The following MICAL3 variants were observed in gnomAD, a reference collection of about 807,000 sequenced individuals.
The protein encoded by MICAL3 is [F-actin]-monooxygenase MICAL3.
A neutral mutation model predicts 207.4 loss-of-function variants in MICAL3; 62 were observed. The observed-to-expected ratio is 0.30, with a 90% CI of 0.24 to 0.37. MICAL3 has a LOEUF of 0.37. MICAL3 is among the 10% of genes least tolerant of loss of function. The probability of loss-of-function intolerance (pLI) is 1.00; values close to 1 mark genes in which losing one functional copy is unlikely to be tolerated. For missense variants in MICAL3, 2,368 were observed against 2,635.6 expected (o/e 0.90, Z 2.22); for synonymous variants, 1,077 against 1,069.3 (o/e 1.01, Z -0.14).
At chr22:17,822,925 G>T in intron 23 of MICAL3, 22 bp downstream of exon 23, 1 of 1,497,488 alleles carries the variant, frequency 6.7e-7, no homozygotes, top group Non-Finnish European at 9.3e-7. Context: ...CCACCACAGG[G>T]GCGGGGAGGG....
chr22:17,830,176 A>AC (rs927003968), intron 21 of MICAL3, among the ~76,000 whole-genome samples: 2 of 152,020 alleles, frequency 1.3e-5, no homozygotes, highest in Non-Finnish European at 2.9e-5. Context: ...GGAGCCAGAG[A>AC]CCCACACAGC....
rs571542503 is a variant in MICAL3 at position 17,879,002 on chromosome 22, C to T, written c.2241+6876G>A. Reference sequence around the variant, plus strand: ...AGAAGTTGTATCTGACAGTCCAATGCTACTACTCTACCACTGGCACATAGT... The same window carrying T: ...AGAAGTTGTATCTGACAGTCCAATGTTACTACTCTACCACTGGCACATAGT... On this transcript the variant is annotated intron_variant, in intron 16 of 31. Transcript: ENST00000441493. Among the ~76,000 whole-genome samples the T allele has an allele frequency of 5.9e-5, 9 of 152,292 alleles. No homozygotes were observed. In the South Asian group the frequency reaches 1.7e-3, roughly 28 times the overall value.
intron 1 of MICAL3, among the ~76,000 whole-genome samples, chr22:17,939,111 T>A (rs1933691523): frequency 6.6e-6 from 1 of 152,062 alleles, no homozygotes; most frequent in African/African-American, 2.4e-5. Flanking sequence ...ACTGGTGTCT[T>A]CAGAAGAGGA....
chr22:17,820,001 C>T (rs1353843453), intron 25 of MICAL3, among the ~76,000 whole-genome samples: 2 of 145,656 alleles, frequency 1.4e-5, no homozygotes, highest in Non-Finnish European at 3.0e-5. Context: ...GGTACAGTGG[C>T]TCATGCTGTA....
chr22:17,820,363 CT>C (rs952399625), intron 25 of MICAL3, among the ~76,000 whole-genome samples: 2 of 151,544 alleles, frequency 1.3e-5, no homozygotes, highest in Non-Finnish European at 2.9e-5. Flanking sequence ...CTGTAAATTT[CT>C]TTTTTTTTGA....
At chr22:17,862,508 C>A in intron 19 of MICAL3, 1 of 832,718 alleles carries the variant, frequency 1.2e-6, no homozygotes, top group South Asian at 5.5e-5. Context: ...GATCTGCCCG[C>A]CTCGGCCTCC....
intron 1 of MICAL3, among the ~76,000 whole-genome samples, chr22:17,995,170 T>C (rs1004737704): frequency 6.6e-6 from 1 of 152,176 alleles, no homozygotes; most frequent in African/African-American, 2.4e-5. Context: ...TTTAATCTGA[T>C]TTCTGTCCTC....
chr22:17,874,178 A>G (rs1928022964), intron 16 of MICAL3, among the ~76,000 whole-genome samples: 1 of 152,212 alleles, frequency 6.6e-6, no homozygotes, highest in African/African-American at 2.4e-5. Flanking sequence ...TTTTAATTCA[A>G]AAATAAGATT....
Position 17,893,768 on chromosome 22 carries a change from G to A in MICAL3, c.1546+40C>T, listed in dbSNP as rs1383818521. The A allele has an allele frequency of 6.3e-6, 9 of 1,418,838 alleles. No homozygotes were observed. In the South Asian group the frequency reaches 1.1e-4, roughly 17 times the overall value. 87.9% of individuals were successfully genotyped at this position (1,418,838 alleles called of 1,614,324 possible). On this transcript the variant is annotated intron_variant, in intron 11 of 31. Coordinates refer to ENST00000441493, the MANE Select transcript of MICAL3 (RefSeq NM_015241.3). Reference sequence around the variant, plus strand: ...GGGAATGAGTATAGACTTCTCTGAAGGGGCTGCCTGCATTTTAAAAAGCCA... The same window carrying A: ...GGGAATGAGTATAGACTTCTCTGAAAGGGCTGCCTGCATTTTAAAAAGCCA...
intron 1 of MICAL3, among the ~76,000 whole-genome samples, chr22:17,979,076 A>C (rs541766612): frequency 3.3e-5 from 5 of 151,994 alleles, no homozygotes; most frequent in African/African-American, 4.8e-5. Context: ...TGGGAGGCTG[A>C]GGCAGGAGGA....
chr22:18,019,730 A>G (rs1236093648), intron 1 of MICAL3: 2 of 209,582 alleles, frequency 9.5e-6, no homozygotes, highest in Non-Finnish European at 1.0e-5. Context: ...AAAAAGGGTG[A>G]TCAGGGAAGC....
At chr22:17,872,655 G>T in intron 16 of MICAL3, 2 of 796,518 alleles carry the variant, frequency 2.5e-6, no homozygotes, top group Non-Finnish European at 2.2e-6. Context: ...TAGCATACAC[G>T]GGCTATGCAA....
At chr22:17,988,478 G>A (rs956558962) in intron 1 of MICAL3, among the ~76,000 whole-genome samples, 4 of 152,142 alleles carry the variant, frequency 2.6e-5, no homozygotes, top group African/African-American at 4.8e-5. Flanking sequence ...TTCCTGAGAC[G>A]GAGTCTCACT....
chr22:17,923,533 TGGCCAAAA>T (rs542528825), intron 1 of MICAL3, among the ~76,000 whole-genome samples: 5 of 152,266 alleles, frequency 3.3e-5, no homozygotes, highest in African/African-American at 4.8e-5. Context: ...CAGCACCTGA[TGGCCAAAA>T]GGCCCAGGCC....
intron 1 of MICAL3, among the ~76,000 whole-genome samples, chr22:18,007,862 G>T (rs1414180134): frequency 7.2e-6 from 1 of 138,326 alleles, no homozygotes; most frequent in Non-Finnish European, 1.5e-5. Flanking sequence ...GGTGGAGCTT[G>T]CAGTGAGCCG....
intron 1 of MICAL3, among the ~76,000 whole-genome samples, chr22:17,995,830 G>A (rs370076250): frequency 4.0e-5 from 6 of 151,690 alleles, no homozygotes; most frequent in Non-Finnish European, 5.9e-5. Context: ...TTAAAACTGC[G>A]GCAATCATCT....
At chr22:18,012,593 G>A (rs369036892) in intron 1 of MICAL3, among the ~76,000 whole-genome samples, 24 of 152,236 alleles carry the variant, frequency 1.6e-4, no homozygotes, top group Non-Finnish European at 2.6e-4. Context: ...GGGCCGGGGC[G>A]GCCAGAGCCT....
rs1168506223 is a variant in MICAL3 at position 17,790,991 on chromosome 22, C to T, written c.5824+7G>A. ...CCTGGCCTCCATGGGTGCCTTACCC[C>T]ACTCACCTTCCACTGCCATGCGTTC... On this transcript the variant is annotated splice_region_variant and intron_variant, in intron 31 of 31. Transcript: ENST00000441493. 1.2e-6 allele frequency: 2 copies of T among 1,612,876 alleles called. No homozygotes were observed. The highest frequency in any genetic ancestry group is 3.3e-5 in the Admixed American group (2 of 60,018).
chr22:17,902,791 G>T lies in MICAL3; in HGVS notation c.473-44C>A. Reference sequence around the variant, plus strand: ...GACGTTGATGGGAACACATGGAGAAGGGGGTACCCATCCGTGTCGCAGCTC... The same window carrying T: ...GACGTTGATGGGAACACATGGAGAATGGGGTACCCATCCGTGTCGCAGCTC... On this transcript the variant is annotated intron_variant, in intron 3 of 31. Coordinates refer to ENST00000441493, the MANE Select transcript of MICAL3 (RefSeq NM_015241.3). The surrounding 1 kb of genome is among the most constrained non-coding windows in gnomAD (Gnocchi z 4.5). The T allele has an allele frequency of 8.0e-7, 1 of 1,242,564 alleles. No individual in the cohort carries two copies. The highest frequency in any genetic ancestry group is 1.2e-6 in the Non-Finnish European group (1 of 865,954). 77.0% of individuals were successfully genotyped at this position (1,242,564 alleles called of 1,614,324 possible). A position where few individuals can be genotyped will look rare whatever the true frequency, so the allele number is the denominator to read the frequency against.
Sources: gnomAD v4.1 joint callset for allele counts (sites outside exome capture counted in the v4.1 genomes callset) on GRCh38, gnomAD v4.1.1 for gene constraint, Gnocchi (gnomAD v3.1) non-coding constraint, MANE v1.5 for transcripts, NCBI Gene and HGNC (gene_info 2026-07-23, HGNC 2026-07-21) for gene names.